Variants in MGAT4C observed in about 807,000 individuals in gnomAD.
The protein encoded by MGAT4C is alpha-1,3-mannosyl-glycoprotein 4-beta-N-acetylglucosaminyltransferase C.
A neutral mutation model predicts 40.1 loss-of-function variants in MGAT4C; 19 were observed. The ratio of observed to expected loss-of-function variants is 0.47; its 90% CI spans 0.33 to 0.70. The LOEUF (loss-of-function observed/expected upper bound fraction) is 0.70, where lower values mean the gene tolerates loss of function less well. MGAT4C is among the 30% of genes least tolerant of loss of function. MGAT4C has a pLI of 0.02. For missense variants in MGAT4C, 491 were observed against 563.2 expected, an observed-to-expected ratio of 0.87 and a Z score of 1.30; for synonymous variants, 181 against 187.1, an observed-to-expected ratio of 0.97 and a Z score of 0.27.
chr12:86,459,639 T>A (rs1957564109), intron 2 of MGAT4C, among the ~76,000 whole-genome samples: 1 of 150,658 alleles, frequency 6.6e-6, no homozygotes, highest in Admixed American at 6.6e-5. Context: ...GGTAATACGC[T>A]GAGAAAAGAA....
intron 2 of MGAT4C, among the ~76,000 whole-genome samples, chr12:86,543,031 A>T (rs7967706): frequency 1 from 151,602 of 152,166 alleles, 75,520 homozygotes; most frequent in Middle Eastern, 1. Flanking sequence ...GACATATGTT[A>T]CTTTTATTTT....
At chr12:86,528,105 A>G (rs1297401230) in intron 2 of MGAT4C, among the ~76,000 whole-genome samples, 1 of 152,172 alleles carries the variant, frequency 6.6e-6, no homozygotes, top group Non-Finnish European at 1.5e-5. Context: ...CACATAATAT[A>G]ATTTCATTTC....
chr12:86,055,381 A>T (rs1893284526), intron 1 of MGAT4C, among the ~76,000 whole-genome samples: 1 of 152,074 alleles, frequency 6.6e-6, no homozygotes, highest in Non-Finnish European at 1.5e-5. Context: ...TTAAGTGACT[A>T]GAGAATATAT....
intron 1 of MGAT4C, among the ~76,000 whole-genome samples, chr12:86,189,453 T>C (rs1229669515): frequency 2.6e-5 from 4 of 151,996 alleles, no homozygotes; most frequent in Non-Finnish European, 4.4e-5. Context: ...GAAATTAGCA[T>C]TGTGACAGCA....
At chr12:86,096,400 C>G (rs1873920615) in intron 1 of MGAT4C, among the ~76,000 whole-genome samples, 1 of 142,960 alleles carries the variant, frequency 7.0e-6, no homozygotes, top group Admixed American at 6.9e-5. Context: ...GAATTAACTC[C>G]TCCCCTCCCC....
chr12:86,451,546 C>G lies in MGAT4C; in HGVS notation c.-228-16281G>C, dbSNP rs146293139. Among the ~76,000 whole-genome samples the G allele has an allele frequency of 3.3e-3, 501 of 152,064 alleles. 3 individuals carry two copies. The highest frequency in any genetic ancestry group is 0.012 in the African/African-American group (479 of 41,506). ...ATAAAATGGCTAGATTTTCTTTGTACTTGGGATTCTTGTAGCTTCTTCAAT... is the reference window on the plus strand; with the variant it reads ...ATAAAATGGCTAGATTTTCTTTGTAGTTGGGATTCTTGTAGCTTCTTCAAT... On this transcript the variant is annotated intron_variant, in intron 2 of 7. Coordinates refer to the MGAT4C transcript ENST00000548651.
In MGAT4C at chr12:85,957,657, C is replaced by CAAAAAAAAAAAAAAAAAAGA. The variant is rs5799763; in HGVS notation, c.*21631_*21632insTCTTTTTTTTTTTTTTTTTT. On this transcript the variant is annotated 3_prime_UTR_variant, in exon 5 of 5. Coordinates refer to ENST00000611864, the MANE Select transcript of MGAT4C (RefSeq NM_001351288.2). ...TTTACTGTAGAGTTGAATAAGAAAG[C>CAAAAAAAAAAAAAAAAAAGA]AAAAAAAAAAAAAAAAGAAAAAAGA... 9.9e-6 allele frequency: 1 copy of CAAAAAAAAAAAAAAAAAAGA among 101,290 alleles called. No homozygotes were observed. The highest frequency in any genetic ancestry group is 1.9e-5 in the Non-Finnish European group (1 of 52,728). The allele number at this position is 101,290 out of a possible 1,614,324, so 6.3% of individuals were successfully genotyped here.
At chr12:86,259,783 A>C, upstream of MGAT4C, among the ~76,000 whole-genome samples, 1 of 135,570 alleles carries the variant, frequency 7.4e-6, no homozygotes, top group East Asian at 2.2e-4. Context: ...GTAAATGTAT[A>C]TTAGTAAATA....
At chr12:86,777,859 G>T (rs1263979774) in intron 1 of MGAT4C, among the ~76,000 whole-genome samples, 1 of 152,048 alleles carries the variant, frequency 6.6e-6, no homozygotes, top group African/African-American at 2.4e-5. Context: ...GCTGTGCAGG[G>T]ATGTCCATCT....
At chr12:85,988,872 G>A (rs1885561335) in intron 3 of MGAT4C, among the ~76,000 whole-genome samples, 1 of 151,890 alleles carries the variant, frequency 6.6e-6, no homozygotes, top group Non-Finnish European at 1.5e-5. Context: ...GATCTTTTCA[G>A]TGGGTACAAA....
intron 1 of MGAT4C, among the ~76,000 whole-genome samples, chr12:86,247,100 A>G (rs1259531695): frequency 6.6e-6 from 1 of 152,180 alleles, no homozygotes; most frequent in Non-Finnish European, 1.5e-5. Flanking sequence ...GACCATTAGG[A>G]TACAATATTT....
At chr12:86,783,963 T>G (rs145380496) in intron 1 of MGAT4C, among the ~76,000 whole-genome samples, 3 of 152,236 alleles carry the variant, frequency 2.0e-5, no homozygotes, top group Admixed American at 2.0e-4. Context: ...TTCATTGAGC[T>G]GATTCTACAG....
At chr12:86,112,269 A>G (rs1247473989) in intron 1 of MGAT4C, among the ~76,000 whole-genome samples, 4 of 151,704 alleles carry the variant, frequency 2.6e-5, no homozygotes, top group Non-Finnish European at 4.4e-5. Context: ...AAATGGTGCT[A>G]TGTAATCTCG....
At chr12:86,043,744 T>G (rs1892105728) in intron 2 of MGAT4C, among the ~76,000 whole-genome samples, 1 of 152,222 alleles carries the variant, frequency 6.6e-6, no homozygotes, top group Admixed American at 6.5e-5. Context: ...CCCCCTCTCT[T>G]TCAGGGATGT....
chr12:86,706,551 C>T (rs774472028), intron 2 of MGAT4C, among the ~76,000 whole-genome samples: 1 of 152,118 alleles, frequency 6.6e-6, no homozygotes, highest in Non-Finnish European at 1.5e-5. Context: ...AGCCACCACA[C>T]CCAGCCTTAT....
chr12:86,111,727 C>G (rs1346054232), intron 1 of MGAT4C, among the ~76,000 whole-genome samples: 2 of 151,746 alleles, frequency 1.3e-5, no homozygotes, highest in Admixed American at 1.3e-4. Context: ...ACATGCTTTT[C>G]ACCCACGCTT....
chr12:86,608,624 C>T (rs780143170), intron 2 of MGAT4C, among the ~76,000 whole-genome samples: 10 of 151,710 alleles, frequency 6.6e-5, no homozygotes, highest in Non-Finnish European at 1.0e-4. Context: ...ACATATTGCT[C>T]AAAACCCTTG....
At chr12:86,604,013 T>C (rs1961950380) in intron 2 of MGAT4C, among the ~76,000 whole-genome samples, 1 of 151,634 alleles carries the variant, frequency 6.6e-6, no homozygotes, top group East Asian at 1.9e-4. Context: ...TAAACATATA[T>C]AATTTTTTGT....
Position 86,400,922 on chromosome 12 carries a change from C to T in MGAT4C, c.-120+34235G>A, listed in dbSNP as rs1313457414. 3.3e-5 allele frequency among the ~76,000 whole-genome samples: 5 copies of T among 152,228 alleles called. No individual in the cohort carries two copies. In the East Asian group the frequency reaches 9.7e-4, roughly 29 times the overall value. On this transcript the variant is annotated intron_variant, in intron 3 of 7. Transcript: ENST00000548651. Reference sequence around the variant, plus strand: ...ATCTAAAGAGTGGTTAAGTGAGTATCTAGCATATGTGTCTTGGAGCCTATG... The same window carrying T: ...ATCTAAAGAGTGGTTAAGTGAGTATTTAGCATATGTGTCTTGGAGCCTATG...
Sources: gnomAD v4.1 joint callset for allele counts (sites outside exome capture counted in the v4.1 genomes callset) on GRCh38, gnomAD v4.1.1 for gene constraint, MANE v1.5 for transcripts, NCBI Gene and HGNC (gene_info 2026-07-23, HGNC 2026-07-21) for gene names.